EXOC6B: variants seen among roughly 807,000 people sequenced by gnomAD.
EXOC6B encodes the protein SEC15 homolog B.
A neutral mutation model predicts 113.5 loss-of-function variants in EXOC6B; 54 were observed. The observed-to-expected ratio is 0.48, with a 90% CI of 0.38 to 0.60. EXOC6B has a LOEUF of 0.60. Among genes scored for constraint, EXOC6B ranks in the 20% least tolerant of loss-of-function variants. The probability of loss-of-function intolerance (pLI) is 0.00; values close to 1 mark genes in which losing one functional copy is unlikely to be tolerated. For synonymous variants in EXOC6B, 357 were observed against 339.0 expected, an observed-to-expected ratio of 1.05 and a Z score of -0.58; for missense variants, 797 against 977.5, an observed-to-expected ratio of 0.82 and a Z score of 2.46.
At chr2:72,237,117 G>A (rs567325497) in intron 20 of EXOC6B, among the ~76,000 whole-genome samples, 8 of 152,142 alleles carry the variant, frequency 5.3e-5, no homozygotes, top group Non-Finnish European at 1.0e-4. Flanking sequence ...GAGGCCCTTA[G>A]GTAGCTCATT....
At chr2:72,752,279 T>C (rs1682095665) in intron 1 of EXOC6B, among the ~76,000 whole-genome samples, 1 of 152,162 alleles carries the variant, frequency 6.6e-6, no homozygotes, top group Non-Finnish European at 1.5e-5. Context: ...TACCCTGATA[T>C]TTGTTCCTTC....
At chr2:72,615,206 A>G (rs1671310016) in intron 6 of EXOC6B, among the ~76,000 whole-genome samples, 1 of 152,174 alleles carries the variant, frequency 6.6e-6, no homozygotes, top group Non-Finnish European at 1.5e-5. Context: ...TTCAATATAA[A>G]TAAAACAAAA....
intron 16 of EXOC6B, among the ~76,000 whole-genome samples, chr2:72,487,968 T>C (rs1429160226): frequency 1.3e-5 from 2 of 152,214 alleles, no homozygotes; most frequent in Non-Finnish European, 2.9e-5. Context: ...CACAATCACC[T>C]TGTAGTGGCA....
In EXOC6B at chr2:72,404,617, G is replaced by C. The variant is rs563201352; in HGVS notation, c.1981-24747C>G. Among the ~76,000 whole-genome samples the C allele has an allele frequency of 3.3e-3, 499 of 152,282 alleles. 1 individual carries two copies. Among genetic ancestry groups the C allele is most frequent in the Non-Finnish European group, 6.0e-3 (409 of 68,022 alleles). ...AAACAGGGACTGGAGTGGACCTCCAGCAAACTCCAACAGACCTGCAGCTGA... is the reference window on the plus strand; with the variant it reads ...AAACAGGGACTGGAGTGGACCTCCACCAAACTCCAACAGACCTGCAGCTGA... On this transcript the variant is annotated intron_variant, in intron 18 of 21. Transcript: ENST00000272427.
At chr2:72,698,408 AAAG>A (rs1164909023) in intron 6 of EXOC6B, among the ~76,000 whole-genome samples, 2 of 152,214 alleles carry the variant, frequency 1.3e-5, no homozygotes, top group African/African-American at 4.8e-5. Flanking sequence ...GCATCTCTGT[AAAG>A]AAGGAGGTAA....
At chr2:72,252,292 C>T (rs1017192312) in intron 20 of EXOC6B, among the ~76,000 whole-genome samples, 3 of 151,298 alleles carry the variant, frequency 2.0e-5, no homozygotes, top group Non-Finnish European at 3.0e-5. Context: ...ATTCTTCACA[C>T]GTGTGTGTGT....
intron 7 of EXOC6B, among the ~76,000 whole-genome samples, chr2:72,563,803 C>T (rs964624988): frequency 7.2e-5 from 11 of 151,894 alleles, no homozygotes; most frequent in Non-Finnish European, 1.3e-4. Flanking sequence ...TCTCTAAGAA[C>T]GGAAAAGTAA....
chr2:72,638,921 C>T (rs1356596407), intron 6 of EXOC6B, among the ~76,000 whole-genome samples: 1 of 152,146 alleles, frequency 6.6e-6, no homozygotes, highest in African/African-American at 2.4e-5. Context: ...GGTCAGCTGC[C>T]CTCTTCCAGC....
chr2:72,259,838 C>T (rs1683599335), intron 20 of EXOC6B, among the ~76,000 whole-genome samples: 1 of 151,906 alleles, frequency 6.6e-6, no homozygotes, highest in Admixed American at 6.6e-5. Context: ...ATAGCTTGAA[C>T]CCAAGAGTTC....
intron 18 of EXOC6B, among the ~76,000 whole-genome samples, chr2:72,404,183 G>A (rs1311092996): frequency 6.6e-6 from 1 of 152,202 alleles, no homozygotes; most frequent in South Asian, 2.1e-4. Context: ...CCATTGCCAA[G>A]GCTTGAGTAG....
chr2:72,254,116 C>T (rs1304757131), intron 20 of EXOC6B, among the ~76,000 whole-genome samples: 1 of 151,856 alleles, frequency 6.6e-6, no homozygotes, highest in African/African-American at 2.4e-5. Flanking sequence ...GCCGAGATCA[C>T]ACCACTGCAC....
chr2:72,782,113 C>T (rs932128294), intron 1 of EXOC6B, among the ~76,000 whole-genome samples: 10 of 148,368 alleles, frequency 6.7e-5, no homozygotes, highest in Non-Finnish European at 1.3e-4. Flanking sequence ...GCACTCCAGC[C>T]TGGGCAACAG....
intron 16 of EXOC6B, among the ~76,000 whole-genome samples, chr2:72,482,863 C>G (rs1699185820): frequency 6.6e-6 from 1 of 152,082 alleles, no homozygotes; most frequent in Non-Finnish European, 1.5e-5. Context: ...TACTTTGAAA[C>G]ACAATAACAA....
chr2:72,382,047 A>T (rs1166110813), intron 18 of EXOC6B, among the ~76,000 whole-genome samples: 2 of 152,170 alleles, frequency 1.3e-5, no homozygotes, highest in African/African-American at 2.4e-5. Context: ...GCATGATTTA[A>T]AACAACAAAG....
intron 2 of EXOC6B, among the ~76,000 whole-genome samples, chr2:72,739,541 G>A (rs1247234799): frequency 5.3e-5 from 8 of 151,816 alleles, no homozygotes; most frequent in Admixed American, 5.3e-4. Context: ...TTTTAATGTT[G>A]TTACATCTCT....
At chr2:72,639,525 A>G (rs1673082711) in intron 6 of EXOC6B, among the ~76,000 whole-genome samples, 1 of 152,180 alleles carries the variant, frequency 6.6e-6, no homozygotes, top group Non-Finnish European at 1.5e-5. Flanking sequence ...AGCTTCCACT[A>G]CTGCTGCTGC....
chr2:72,465,121 T>A, intron 18 of EXOC6B, 39 bp downstream of exon 18: 1 of 1,438,150 alleles, frequency 7.0e-7, no homozygotes, highest in Non-Finnish European at 9.2e-7. Context: ...AAGGAAATCT[T>A]TTTATATATA....
intron 19 of EXOC6B, among the ~76,000 whole-genome samples, chr2:72,336,095 C>A (rs1281355942): frequency 6.6e-6 from 1 of 152,034 alleles, no homozygotes; most frequent in Non-Finnish European, 1.5e-5. Flanking sequence ...TCTATGAAGC[C>A]CGTGGCCAAT....
intron 19 of EXOC6B, among the ~76,000 whole-genome samples, chr2:72,344,427 T>C (rs1350361586): frequency 6.6e-6 from 1 of 152,190 alleles, no homozygotes; most frequent in Non-Finnish European, 1.5e-5. Context: ...TCAGGTCTTT[T>C]CCAGGAGCAG....
Sources: allele counts gnomAD v4.1 joint callset (sites outside exome capture counted in the v4.1 genomes callset), GRCh38; gene constraint gnomAD v4.1.1; transcripts MANE v1.5; gene names NCBI Gene and HGNC (gene_info 2026-07-23, HGNC 2026-07-21).